The following ENOX1 variants were observed in gnomAD, a reference collection of about 807,000 sequenced individuals.
ENOX1 encodes the protein ecto-NOX disulfide-thiol exchanger 1.
In ENOX1, 42 loss-of-function variants were observed where a neutral mutation model predicts 82.5. The observed-to-expected ratio is 0.51, with a 90% CI of 0.40 to 0.66. The LOEUF (loss-of-function observed/expected upper bound fraction) is 0.66, where lower values mean the gene tolerates loss of function less well. Ranked by LOEUF, ENOX1 falls within the 30% of genes least tolerant of loss-of-function variation. The pLI, the probability that ENOX1 is intolerant of heterozygous loss-of-function variation, is 0.00. For missense variants in ENOX1, 608 were observed against 811.6 expected (o/e 0.75, Z 3.05); for synonymous variants, 271 against 282.2 (o/e 0.96, Z 0.40).
intron 3 of ENOX1, among the ~76,000 whole-genome samples, chr13:43,466,631 T>G (rs1423261084): frequency 6.6e-6 from 1 of 152,198 alleles, no homozygotes; most frequent in African/African-American, 2.4e-5. Context: ...ACAACTTTAT[T>G]TTTTTATTGG....
intron 14 of ENOX1, among the ~76,000 whole-genome samples, chr13:43,250,305 C>T (rs7319813): frequency 0.79 from 119,584 of 152,038 alleles, 47,447 homozygotes; most frequent in South Asian, 0.87. Flanking sequence ...AAGTCTGTTC[C>T]TTACTGAGAA....
At chr13:43,613,546 G>C (rs1033713424) in intron 2 of ENOX1, among the ~76,000 whole-genome samples, 2 of 152,088 alleles carry the variant, frequency 1.3e-5, no homozygotes, top group African/African-American at 4.8e-5. Flanking sequence ...CCATTAGCTA[G>C]ATCAAGAAAA....
intron 2 of ENOX1, chr13:43,546,100 C>T (rs184735244): frequency 2.8e-4 from 42 of 152,304 alleles, no homozygotes; most frequent in African/African-American, 9.6e-4. Flanking sequence ...GCTAGGAATA[C>T]GGTGCTGAAT....
intron 11 of ENOX1, among the ~76,000 whole-genome samples, chr13:43,320,839 G>GA (rs1302324612): frequency 6.6e-6 from 1 of 152,136 alleles, no homozygotes; most frequent in Non-Finnish European, 1.5e-5. Context: ...TTCTTTATTT[G>GA]AAGATCTTGT....
chr13:43,691,245 A>G (rs1167535304), intron 1 of ENOX1, among the ~76,000 whole-genome samples: 1 of 151,966 alleles, frequency 6.6e-6, no homozygotes, highest in Non-Finnish European at 1.5e-5. Context: ...TAAGTACCAA[A>G]ACAAGTCTTT....
At chr13:43,214,229 C>T in intron 16 of ENOX1, 108 bp from the exon 17 acceptor site, 1 of 1,133,700 alleles carries the variant, frequency 8.8e-7, no homozygotes, top group Non-Finnish European at 1.3e-6. Flanking sequence ...ATTTAGTTTT[C>T]TACTGGGCTG....
intron 5 of ENOX1, among the ~76,000 whole-genome samples, chr13:43,406,413 T>C (rs1023962154): frequency 2.0e-5 from 3 of 151,796 alleles, no homozygotes; most frequent in African/African-American, 7.3e-5. Context: ...CTTACAAGTG[T>C]GAAGAAGTCT....
chr13:43,502,675 T>A (rs906483922), intron 2 of ENOX1, among the ~76,000 whole-genome samples: 1 of 151,450 alleles, frequency 6.6e-6, no homozygotes, highest in Non-Finnish European at 1.5e-5. Context: ...TAATAAAAAC[T>A]TAACAAATTA....
chr13:43,553,057 T>G (rs1356732208), intron 2 of ENOX1, among the ~76,000 whole-genome samples: 3 of 149,468 alleles, frequency 2.0e-5, no homozygotes, highest in Non-Finnish European at 3.0e-5. Context: ...ATATGGGGAG[T>G]GGAGATGGGG....
Position 43,240,952 on chromosome 13 carries a change from G to A in ENOX1, c.1612-4214C>T, listed in dbSNP as rs371710864. ...TATCTTGTAACACAAACCACTGCATGTGCTGGCATCCTTCTGGACCCCTCT... is the reference window on the plus strand; with the variant it reads ...TATCTTGTAACACAAACCACTGCATATGCTGGCATCCTTCTGGACCCCTCT... On this transcript the variant is annotated intron_variant, in intron 14 of 16. Coordinates refer to ENST00000690772, the MANE Select transcript of ENOX1 (RefSeq NM_001347969.2). Among the ~76,000 whole-genome samples the A allele has an allele frequency of 5.9e-5, 9 of 152,310 alleles. No individual in the cohort carries two copies. In the East Asian group the frequency reaches 1.5e-3, roughly 26 times the overall value.
intron 3 of ENOX1, among the ~76,000 whole-genome samples, chr13:43,473,488 T>G (rs1000903127): frequency 6.6e-6 from 1 of 152,190 alleles, no homozygotes; most frequent in African/African-American, 2.4e-5. Flanking sequence ...AATTTTATCT[T>G]GAAAATGTTT....
intron 3 of ENOX1, among the ~76,000 whole-genome samples, chr13:43,447,478 T>A (rs915235482): frequency 2.0e-5 from 3 of 151,986 alleles, no homozygotes; most frequent in African/African-American, 7.2e-5. Context: ...GGGACCACAA[T>A]AGGAGAGGGG....
At chr13:43,357,034 C>T (rs2050201268) in intron 7 of ENOX1, among the ~76,000 whole-genome samples, 1 of 152,148 alleles carries the variant, frequency 6.6e-6, no homozygotes, top group African/African-American at 2.4e-5. Flanking sequence ...TCAACACTAA[C>T]AGAACTGAAA....
intron 14 of ENOX1, among the ~76,000 whole-genome samples, chr13:43,256,458 T>C (rs373395355): frequency 1.3e-5 from 2 of 151,878 alleles, no homozygotes; most frequent in South Asian, 2.1e-4. Context: ...AGGAACTCAA[T>C]AGCAAAAAGA....
At chr13:43,540,993 G>A (rs185647399) in intron 2 of ENOX1, among the ~76,000 whole-genome samples, 2 of 152,162 alleles carry the variant, frequency 1.3e-5, no homozygotes, top group African/African-American at 4.8e-5. Flanking sequence ...ACAGGCTGAT[G>A]AGAGGTGTTT....
chr13:43,524,607 C>T (rs1044292620), intron 2 of ENOX1, among the ~76,000 whole-genome samples: 1 of 152,086 alleles, frequency 6.6e-6, no homozygotes, highest in Admixed American at 6.6e-5. Flanking sequence ...TTCTTGCTGT[C>T]CTCCAATACA....
intron 2 of ENOX1, among the ~76,000 whole-genome samples, chr13:43,536,553 TAA>T (rs5803184): frequency 2.5e-4 from 37 of 149,926 alleles, no homozygotes; most frequent in African/African-American, 8.3e-4. Flanking sequence ...GAGTTTCACT[TAA>T]AAAAAAAAAC....
intron 3 of ENOX1, among the ~76,000 whole-genome samples, chr13:43,446,967 G>GGGTA (rs2056681838): frequency 6.6e-6 from 1 of 152,208 alleles, no homozygotes; most frequent in Non-Finnish European, 1.5e-5. Flanking sequence ...TCAGCAAGTG[G>GGGTA]GGTAGCTCAA....
chr13:43,272,591 T>C (rs570599764), intron 12 of ENOX1, among the ~76,000 whole-genome samples: 2 of 152,368 alleles, frequency 1.3e-5, no homozygotes, highest in African/African-American at 4.8e-5. Context: ...AAGCATCTTA[T>C]ATACTTGCTA....
Sources: allele counts gnomAD v4.1 joint callset (sites outside exome capture counted in the v4.1 genomes callset), GRCh38; gene constraint gnomAD v4.1.1; transcripts MANE v1.5; gene names NCBI Gene and HGNC (gene_info 2026-07-23, HGNC 2026-07-21).